HCN1: variants seen among roughly 807,000 people sequenced by gnomAD.
HCN1 encodes potassium/sodium hyperpolarization-activated cyclic nucleotide-gated channel 1.
Under a neutral mutation model 78.9 loss-of-function variants are expected in HCN1, and 13 were observed. That is an observed-to-expected ratio of 0.16 (90% CI 0.11 to 0.26). The LOEUF (loss-of-function observed/expected upper bound fraction) is 0.26, where lower values mean the gene tolerates loss of function less well. Among genes scored for constraint, HCN1 ranks in the 10% least tolerant of loss-of-function variants. The pLI, the probability that HCN1 is intolerant of heterozygous loss-of-function variation, is 1.00. For missense variants in HCN1, 810 were observed against 1,154.3 expected, an observed-to-expected ratio of 0.70 and a Z score of 4.32; for synonymous variants, 552 against 455.5, an observed-to-expected ratio of 1.21 and a Z score of -2.70.
intron 2 of HCN1, among the ~76,000 whole-genome samples, chr5:45,608,567 T>A (rs1243336760): frequency 7.9e-5 from 12 of 151,952 alleles, no homozygotes; most frequent in Admixed American, 7.9e-4. Flanking sequence ...CTTACAAAGA[T>A]CAGTGGAAGA....
chr5:45,374,295 T>C (rs1747546605), intron 4 of HCN1, among the ~76,000 whole-genome samples: 1 of 126,974 alleles, frequency 7.9e-6, no homozygotes, highest in Non-Finnish European at 1.6e-5. Context: ...ATACATTATA[T>C]ATATTGTATA....
chr5:45,549,246 A>G (rs1356559683), intron 2 of HCN1, among the ~76,000 whole-genome samples: 1 of 152,172 alleles, frequency 6.6e-6, no homozygotes, highest in African/African-American at 2.4e-5. Flanking sequence ...ACTTCAAACT[A>G]TACTACAAGG....
At chr5:45,645,917 T>C (rs1745539451) in intron 1 of HCN1, among the ~76,000 whole-genome samples, 2 of 152,026 alleles carry the variant, frequency 1.3e-5, no homozygotes, top group Non-Finnish European at 2.9e-5. Flanking sequence ...CAACCTACCT[T>C]ATACTTAATA....
chr5:45,352,276 C>A (rs1033715908), intron 5 of HCN1, among the ~76,000 whole-genome samples: 1 of 148,602 alleles, frequency 6.7e-6, no homozygotes, highest in Non-Finnish European at 1.5e-5. Flanking sequence ...ATCGGAAGGA[C>A]AAAAAATCGA....
chr5:45,259,815 C>T lies in HCN1; in HGVS notation c.*2106G>A, dbSNP rs527418258. 9.2e-5 allele frequency: 14 copies of T among 152,524 alleles called. No individual in the cohort carries two copies. The highest frequency in any genetic ancestry group is 7.7e-4 in the East Asian group (4 of 5,190). The allele number at this position is 152,524 out of a possible 1,614,324, so 9.4% of individuals were successfully genotyped here. A position where few individuals can be genotyped will look rare whatever the true frequency, so the allele number is the denominator to read the frequency against. ...CCTTTAATAATTTAAAGGACCAATACGTAATCTTAATAAATTGAAGTTAAT... is the reference window on the plus strand; with the variant it reads ...CCTTTAATAATTTAAAGGACCAATATGTAATCTTAATAAATTGAAGTTAAT... On this transcript the variant is annotated 3_prime_UTR_variant, in exon 8 of 8. Transcript: ENST00000303230.
intron 1 of HCN1, among the ~76,000 whole-genome samples, chr5:45,683,678 T>C (rs2112092474): frequency 6.6e-6 from 1 of 152,080 alleles, no homozygotes; most frequent in East Asian, 1.9e-4. Context: ...TTGTCTTTTT[T>C]TTTTTTGATA....
intron 2 of HCN1, among the ~76,000 whole-genome samples, chr5:45,510,382 T>C (rs1475385800): frequency 6.6e-6 from 1 of 152,118 alleles, no homozygotes; most frequent in African/African-American, 2.4e-5. Flanking sequence ...ATTATATGAC[T>C]AGAGTATCGA....
At chr5:45,519,491 A>G (rs1394504840) in intron 2 of HCN1, among the ~76,000 whole-genome samples, 2 of 151,972 alleles carry the variant, frequency 1.3e-5, no homozygotes, top group Non-Finnish European at 2.9e-5. Flanking sequence ...TGAATTTGTA[A>G]TATTTTGAGA....
intron 2 of HCN1, among the ~76,000 whole-genome samples, chr5:45,521,192 C>A (rs998155360): frequency 6.6e-5 from 10 of 151,910 alleles, no homozygotes; most frequent in African/African-American, 2.2e-4. Context: ...GTGAAACCAA[C>A]CCTCTTTGCA....
chr5:45,628,492 C>T (rs1223605791), intron 2 of HCN1, among the ~76,000 whole-genome samples: 5 of 152,064 alleles, frequency 3.3e-5, no homozygotes, highest in East Asian at 1.9e-4. Flanking sequence ...TTTGTAAAAA[C>T]TTTGGTGAAT....
intron 5 of HCN1, among the ~76,000 whole-genome samples, chr5:45,305,404 T>C (rs975464670): frequency 4.6e-5 from 7 of 152,078 alleles, no homozygotes; most frequent in African/African-American, 1.4e-4. Context: ...TGGAGCTTCA[T>C]GGAAGATGAG....
intron 1 of HCN1, among the ~76,000 whole-genome samples, chr5:45,665,131 A>T (rs1174792162): frequency 6.6e-6 from 1 of 151,970 alleles, no homozygotes; most frequent in Non-Finnish European, 1.5e-5. Flanking sequence ...AAAAATGATG[A>T]GTTCATGTAC....
intron 1 of HCN1, among the ~76,000 whole-genome samples, chr5:45,690,070 G>A (rs941995353): frequency 6.6e-6 from 1 of 152,066 alleles, no homozygotes; most frequent in African/African-American, 2.4e-5. Context: ...AGTAAGGTGC[G>A]AAGATGTTTG....
intron 6 of HCN1, among the ~76,000 whole-genome samples, chr5:45,288,905 TAGAGACAG>T (rs1241631951): frequency 2.6e-5 from 4 of 151,984 alleles, no homozygotes; most frequent in Non-Finnish European, 5.9e-5. Context: ...AGGAGCAAGC[TAGAGACAG>T]AGTTGAAATG....
intron 3 of HCN1, among the ~76,000 whole-genome samples, chr5:45,400,121 A>G (rs1739762654): frequency 6.6e-6 from 1 of 152,154 alleles, no homozygotes; most frequent in Non-Finnish European, 1.5e-5. Flanking sequence ...CAGACAAGGT[A>G]TATTGTTAAA....
At position 45,291,902 on chromosome 5, in the gene HCN1, A is replaced by G. The variant is rs546557171; in HGVS notation, c.1618+11697T>C. 1.5e-4 allele frequency among the ~76,000 whole-genome samples: 23 copies of G among 152,162 alleles called. No homozygotes were observed. In the South Asian group the frequency reaches 4.1e-3, roughly 27 times the overall value. ...TTGCTTTATTATTTTTTATGGCATC[A>G]AATATTATTTGAAATTATTTTATGT... On this transcript the variant is annotated intron_variant, in intron 6 of 7. Coordinates refer to ENST00000303230, the MANE Select transcript of HCN1 (RefSeq NM_021072.4).
At position 45,426,765 on chromosome 5, in the gene HCN1, C is replaced by T. The variant is rs541064173; in HGVS notation, c.1012-30055G>A. Among the ~76,000 whole-genome samples, 191 of 152,262 alleles carry T rather than the reference C, an allele frequency of 1.3e-3. 1 individual carries two copies. Among genetic ancestry groups the T allele is most frequent in the African/African-American group, 4.5e-3 (186 of 41,558 alleles). On this transcript the variant is annotated intron_variant, in intron 3 of 7. Coordinates refer to ENST00000303230, the MANE Select transcript of HCN1 (RefSeq NM_021072.4). ...CTCAAGTCTGCTCTTCATATGAAAT[C>T]TGAGAATGTGTGTTTATGTATTTAA...
intron 3 of HCN1, among the ~76,000 whole-genome samples, chr5:45,440,349 C>T (rs563445940): frequency 6.6e-6 from 1 of 152,194 alleles, no homozygotes; most frequent in South Asian, 2.1e-4. Flanking sequence ...TGTTGACTGA[C>T]AGAATGAAAG....
chr5:45,325,100 C>T (rs1217039860), intron 5 of HCN1, among the ~76,000 whole-genome samples: 1 of 151,734 alleles, frequency 6.6e-6, no homozygotes, highest in African/African-American at 2.4e-5. Flanking sequence ...AAGGCCGTTG[C>T]CCCCATTATG....
Sources: gnomAD v4.1 joint callset for allele counts (sites outside exome capture counted in the v4.1 genomes callset) on GRCh38, gnomAD v4.1.1 for gene constraint, MANE v1.5 for transcripts, NCBI Gene and HGNC (gene_info 2026-07-23, HGNC 2026-07-21) for gene names.